The following ETV5 variants were observed in gnomAD, a reference collection of about 807,000 sequenced individuals.
ETV5 encodes the protein ETS variant transcription factor 5.
ETV5 carries 10 observed loss-of-function variants against 70.0 expected under a neutral mutation model. The ratio of observed to expected loss-of-function variants is 0.14; its 90% CI spans 0.09 to 0.24. The LOEUF (loss-of-function observed/expected upper bound fraction) is 0.24. Ranked by LOEUF, ETV5 falls within the 10% of genes least tolerant of loss-of-function variation. The pLI, the probability that ETV5 is intolerant of heterozygous loss-of-function variation, is 1.00. For missense variants in ETV5, 453 were observed against 651.2 expected (o/e 0.70, Z 3.31); for synonymous variants, 216 against 242.2 (o/e 0.89, Z 1.01).
In ETV5 at chr3:186,062,971, T is replaced by C. The variant is rs529486179; in HGVS notation, c.970+1446A>G. 2.0e-5 allele frequency among the ~76,000 whole-genome samples: 3 copies of C among 152,262 alleles called. No individual in the cohort carries two copies. In the South Asian group the frequency reaches 6.2e-4, roughly 32 times the overall value. On this transcript the variant is annotated intron_variant, in intron 9 of 12. Coordinates refer to ENST00000306376, the MANE Select transcript of ETV5 (RefSeq NM_004454.3). ...GTGCTAAAAATAAGCTACAAAAGTT[T>C]ATATTTGAAAGAAAACTAGGCTGGG... is the stretch of plus-strand genomic sequence containing the variant.
chr3:186,102,316 AT>A (rs1187377341), intron 5 of ETV5, among the ~76,000 whole-genome samples: 1 of 152,134 alleles, frequency 6.6e-6, no homozygotes, highest in African/African-American at 2.4e-5. Context: ...AGGAAAGTGT[AT>A]TACCAGTGGC....
At chr3:186,072,654 G>A (rs1247519219) in intron 7 of ETV5, among the ~76,000 whole-genome samples, 1 of 152,156 alleles carries the variant, frequency 6.6e-6, no homozygotes, top group Non-Finnish European at 1.5e-5. Flanking sequence ...TGCCAACATT[G>A]CTGAGACTCA....
rs772961886 is a variant in ETV5, at chr3:186,052,171, C to T, written c.1210-40G>A. The stretch of plus-strand genomic sequence containing the variant: ...AAGTGAAGAGCAATGGAAACGCATT[C>T]CCTGGGCCCCATGTTCTCTCCCAAT... On this transcript the variant is annotated intron_variant, in intron 11 of 12. Coordinates refer to ENST00000306376, the MANE Select transcript of ETV5 (RefSeq NM_004454.3). This position sits in a 1 kb window ranked among gnomAD's most constrained non-coding sequence, Gnocchi z 4.5. 4.5e-5 allele frequency: 71 copies of T among 1,589,150 alleles called. No individual in the cohort carries two copies. The South Asian group carries it at 6.1e-4, about 14-fold the overall frequency.
Position 186,048,585 on chromosome 3 carries a change from T to A in ETV5, c.*54A>T. 6.6e-7 allele frequency: 1 copy of A among 1,508,984 alleles called. No homozygotes were observed. Among genetic ancestry groups the A allele is most frequent in the South Asian group, 1.1e-5 (1 of 88,290 alleles). The allele number at this position is 1,508,984 out of a possible 1,614,324, so 93.5% of individuals were successfully genotyped here. ...CACAAACAAAACCACTGCCCTTGTT[T>A]GCCTGAATGGGAACTGCTAGCTCTA... On this transcript the variant is annotated 3_prime_UTR_variant, in exon 13 of 13. Coordinates refer to ENST00000306376, the MANE Select transcript of ETV5 (RefSeq NM_004454.3).
chr3:186,056,696 G>A (rs1051697261), intron 11 of ETV5, among the ~76,000 whole-genome samples: 1 of 152,198 alleles, frequency 6.6e-6, no homozygotes, highest in Non-Finnish European at 1.5e-5. Flanking sequence ...GTATGTTCAC[G>A]TAGACTCAGA....
intron 8 of ETV5, 32 bp from the exon 9 acceptor site, chr3:186,064,508 G>C: frequency 1.2e-6 from 2 of 1,609,320 alleles, no homozygotes; most frequent in African/African-American, 1.3e-5. Context: ...ACACAATCCT[G>C]TCAATAGTTT....
At chr3:186,108,082 A>T (rs1714637139) in intron 1 of ETV5, among the ~76,000 whole-genome samples, 1 of 151,292 alleles carries the variant, frequency 6.6e-6, no homozygotes, top group Admixed American at 6.6e-5. Context: ...CATTCATAAA[A>T]ACGAGGTGCG....
Position 186,081,077 on chromosome 3 carries a change from T to C in ETV5, c.331A>G (p.Asn111Asp). 1.2e-6 allele frequency: 2 copies of C among 1,613,352 alleles called. No homozygotes were observed. The highest frequency in any genetic ancestry group is 2.2e-5 in the South Asian group (2 of 90,972). Residue 111 changes from asparagine (N) to aspartate (D), a missense_variant, in exon 6 of 13, where the codon AAC becomes GAC. This residue lies in a region of ETV5 where 307 missense variants were observed against 344.9 expected (regional missense o/e 0.89). Coordinates refer to ENST00000306376, the MANE Select transcript of ETV5 (RefSeq NM_004454.3). Reference sequence around the variant, plus strand: ...TTGTAGAGGCACTTTTCTCCATAGTTAGCACCAAGAGCCTGCTCATGGCTA... The same window carrying C: ...TTGTAGAGGCACTTTTCTCCATAGTCAGCACCAAGAGCCTGCTCATGGCTA... ...SCSHEQALGA[N>D]YGEKCLYNYC...
intron 9 of ETV5, among the ~76,000 whole-genome samples, chr3:186,059,224 T>G (rs1713246738): frequency 6.6e-6 from 1 of 152,078 alleles, no homozygotes; most frequent in Admixed American, 6.5e-5. Context: ...TATTATTCAT[T>G]TTTGTTTTCT....
chr3:186,063,411 T>C (rs1713357912), intron 9 of ETV5, among the ~76,000 whole-genome samples: 1 of 152,236 alleles, frequency 6.6e-6, no homozygotes, highest in Non-Finnish European at 1.5e-5. Context: ...ACTTTCACCC[T>C]AATTAGTAGG....
chr3:186,054,780 A>C lies in ETV5; in HGVS notation c.1209+2295T>G, dbSNP rs756512023. ...CTGGTATCTTCCTGACATTAACAAG[A>C]ACAGGGCCCTCACAGGTATACAAGG... On this transcript the variant is annotated intron_variant, in intron 11 of 12. Coordinates refer to ENST00000306376, the MANE Select transcript of ETV5 (RefSeq NM_004454.3). The surrounding 1 kb of genome is among the most constrained non-coding windows in gnomAD (Gnocchi z 4.4). 6.6e-6 allele frequency among the ~76,000 whole-genome samples: 1 copy of C among 152,092 alleles called. No individual in the cohort carries two copies. Among genetic ancestry groups the C allele is most frequent in the Admixed American group, 6.5e-5 (1 of 15,274 alleles).
chr3:186,076,158 C>A (rs2150148023), intron 7 of ETV5: 1 of 227,834 alleles, frequency 4.4e-6, no homozygotes. Flanking sequence ...CTTTTCCCCT[C>A]TCCTTGTGGG....
At chr3:186,056,436 T>G (rs1274472461) in intron 11 of ETV5, among the ~76,000 whole-genome samples, 1 of 152,050 alleles carries the variant, frequency 6.6e-6, no homozygotes, top group Admixed American at 6.6e-5. Context: ...TTTGTAGAGA[T>G]AAGGTTTTGC....
intron 5 of ETV5, among the ~76,000 whole-genome samples, chr3:186,098,228 A>G (rs965691110): frequency 6.6e-6 from 1 of 152,234 alleles, no homozygotes; most frequent in Non-Finnish European, 1.5e-5. Flanking sequence ...AAAAACTATC[A>G]TGTGCCCCTC....
intron 5 of ETV5, among the ~76,000 whole-genome samples, chr3:186,090,259 A>C (rs1714149698): frequency 6.6e-6 from 1 of 152,190 alleles, no homozygotes; most frequent in African/African-American, 2.4e-5. Context: ...GCCTTACACA[A>C]GGATATATGC....
At chr3:186,080,968 G>A in intron 6 of ETV5, 78 bp downstream of exon 6, 3 of 1,504,524 alleles carry the variant, frequency 2.0e-6, no homozygotes, top group Non-Finnish European at 2.7e-6. Context: ...AAGTAACACT[G>A]GGAAGGAACA....
intron 1 of ETV5, among the ~76,000 whole-genome samples, chr3:186,107,866 C>T (rs1429646601): frequency 6.6e-6 from 1 of 152,110 alleles, no homozygotes; most frequent in Non-Finnish European, 1.5e-5. Context: ...CCACCCAATT[C>T]TCAGCCTTCC....
chr3:186,094,748 T>C (rs1392293291), intron 5 of ETV5, among the ~76,000 whole-genome samples: 3 of 152,172 alleles, frequency 2.0e-5, no homozygotes, highest in Non-Finnish European at 2.9e-5. Context: ...TTATACAGGA[T>C]GAATATTTCT....
chr3:186,057,861 G>A lies in ETV5; in HGVS notation c.971-370C>T, dbSNP rs538336069. Among the ~76,000 whole-genome samples, 1 of 152,282 alleles carries A rather than the reference G, an allele frequency of 6.6e-6. No homozygotes were observed. The highest frequency in any genetic ancestry group is 2.1e-4 in the South Asian group (1 of 4,822). ...TCAGTTGGCCTAGCTGGATGGATTTGGTTGATCTGTACACAGACCTGCCAT... is the reference window on the plus strand; with the variant it reads ...TCAGTTGGCCTAGCTGGATGGATTTAGTTGATCTGTACACAGACCTGCCAT... On this transcript the variant is annotated intron_variant, in intron 9 of 12. Coordinates refer to ENST00000306376, the MANE Select transcript of ETV5 (RefSeq NM_004454.3). This position sits in a 1 kb window ranked among gnomAD's most constrained non-coding sequence, Gnocchi z 4.9.
Sources: allele counts gnomAD v4.1 joint callset (sites outside exome capture counted in the v4.1 genomes callset), GRCh38; gene constraint gnomAD v4.1.1; regional missense constraint gnomAD v4.1.1; non-coding constraint Gnocchi (gnomAD v3.1); transcripts MANE v1.5; gene names NCBI Gene and HGNC (gene_info 2026-07-23, HGNC 2026-07-21).